The following TOP3B variants were observed in gnomAD, a reference collection of about 807,000 sequenced individuals.
The protein encoded by TOP3B is DNA topoisomerase III beta.
TOP3B carries 45 observed loss-of-function variants against 93.9 expected under a neutral mutation model. The ratio of observed to expected loss-of-function variants is 0.48; its 90% CI spans 0.38 to 0.61. The LOEUF is 0.61. Ranked by LOEUF, TOP3B falls within the 20% of genes least tolerant of loss-of-function variation. TOP3B has a pLI of 0.00. For missense variants in TOP3B, 750 were observed against 1,156.1 expected (o/e 0.65, Z 5.09); for synonymous variants, 357 against 472.6 (o/e 0.76, Z 3.17).
At chr22:21,964,099 A>G (rs1322948138) in intron 10 of TOP3B, 62 bp downstream of exon 10, 2 of 1,609,602 alleles carry the variant, frequency 1.2e-6, no homozygotes, top group African/African-American at 2.7e-5. Flanking sequence ...CTGACGTACC[A>G]GACCTGGTCC....
At position 21,968,723 on chromosome 22, in the gene TOP3B, T is replaced by C; in HGVS notation, c.634A>G (p.Ile212Val). The C allele has an allele frequency of 2.5e-6, 4 of 1,613,128 alleles. No homozygotes were observed. Among genetic ancestry groups the C allele is most frequent in the Non-Finnish European group, 3.4e-6 (4 of 1,179,106 alleles). ...GKYGDLDSSL[I>V]SFGPCQTPTL... The stretch of plus-strand genomic sequence containing the variant: ...GGAGTCTGACACGGCCCAAAGGAGA[T>C]GAGAGAGCTGTCTAAATCACCGTAT... Residue 212 changes from isoleucine (I) to valine (V), a missense_variant, in exon 7 of 18, where the codon ATC becomes GTC. Physicochemically the swap from Ile to Val is conservative, Grantham distance 29. This residue lies in a region of TOP3B where 737 missense variants were observed against 933.7 expected (regional missense o/e 0.79). Coordinates refer to ENST00000357179, the MANE Select transcript of TOP3B (RefSeq NM_001282112.2).
chr22:21,970,508 G>T lies in TOP3B; in HGVS notation c.385-102C>A. ...GTTCCTTCCAGGAAAGAACACGTGTGCTCGGCTCCCTCTCCTGCCCCTGCC... is the reference window on the plus strand; with the variant it reads ...GTTCCTTCCAGGAAAGAACACGTGTTCTCGGCTCCCTCTCCTGCCCCTGCC... On this transcript the variant is annotated intron_variant, in intron 5 of 17. Transcript: ENST00000357179. This position sits in a 1 kb window ranked among gnomAD's most constrained non-coding sequence, Gnocchi z 4.4. The T allele has an allele frequency of 7.8e-7, 1 of 1,282,160 alleles. No homozygotes were observed. Among genetic ancestry groups the T allele is most frequent in the Non-Finnish European group, 1.1e-6 (1 of 925,942 alleles). The allele number at this position is 1,282,160 out of a possible 1,614,324, so 79.4% of individuals were successfully genotyped here. A position where few individuals can be genotyped will look rare whatever the true frequency, so the allele number is the denominator to read the frequency against.
intron 1 of TOP3B, chr22:21,976,664 A>T (rs998054077): frequency 6.6e-6 from 1 of 151,328 alleles, no homozygotes; most frequent in Non-Finnish European, 1.5e-5. Context: ...CGACTACTTC[A>T]CCCCCAAAAT....
intron 4 of TOP3B, chr22:21,972,159 CAAA>C: frequency 2.2e-6 from 1 of 453,752 alleles, no homozygotes. Flanking sequence ...TTTTTTGGAC[CAAA>C]AAAAAAAGTA....
chr22:21,973,067 A>G (rs1303020284), intron 3 of TOP3B: 1 of 356,884 alleles, frequency 2.8e-6, no homozygotes, highest in Non-Finnish European at 5.3e-6. Flanking sequence ...TTGCCTGAGC[A>G]CTGGACCCCA....
intron 2 of TOP3B, chr22:21,974,844 C>T: frequency 5.8e-6 from 1 of 173,018 alleles, no homozygotes; most frequent in East Asian, 1.7e-4. Context: ...AAAACAGACT[C>T]CAGATCTACT....
rs200004421 is a variant in TOP3B at position 21,959,270 on chromosome 22, A to G, written c.1805-38T>C. ...AGAGTGCAGGAGTCATCTCCCTCCCAGTCCCCAGCAAAAGGCTCCGCAACA... is the reference window on the plus strand; with the variant it reads ...AGAGTGCAGGAGTCATCTCCCTCCCGGTCCCCAGCAAAAGGCTCCGCAACA... On this transcript the variant is annotated intron_variant, in intron 15 of 17. Coordinates refer to ENST00000357179, the MANE Select transcript of TOP3B (RefSeq NM_001282112.2). 7.9e-5 allele frequency: 127 copies of G among 1,606,660 alleles called. No individual in the cohort carries two copies. The Admixed American group carries it at 2.0e-3, about 26-fold the overall frequency.
chr22:21,961,675 C>T (rs1412403611), intron 13 of TOP3B: 3 of 153,692 alleles, frequency 2.0e-5, no homozygotes, highest in Non-Finnish European at 4.3e-5. Context: ...TGAGAGTCCA[C>T]CTATATGACC....
At chr22:21,959,030 T>G in intron 16 of TOP3B, 102 bp downstream of exon 16, 1 of 1,509,922 alleles carries the variant, frequency 6.6e-7, no homozygotes, top group Non-Finnish European at 8.9e-7. Flanking sequence ...ATCATTCTTT[T>G]GTGACAACCA....
intron 3 of TOP3B, chr22:21,973,152 ACACATGTGTG>A (rs2071713844): frequency 4.1e-6 from 1 of 245,186 alleles, no homozygotes; most frequent in East Asian, 1.4e-4. Flanking sequence ...CTGTGGGGGC[ACACATGTGTG>A]CAGTCGTTCC....
At position 21,972,664 on chromosome 22, in the gene TOP3B, G is replaced by A; in HGVS notation, c.257C>T (p.Pro86Leu). ...VDPAELFSQA[P>L]TEKKEANPKL... ...GGGGTTAGCTTCTTTCTTCTCCGTG[G>A]GAGCTTGGCTGAACAGTTCTGCGGG... The change falls in exon 4 of 18, where the codon CCC (proline) becomes CTC (leucine). Residue 86 changes from proline to leucine, a missense_variant. Physicochemically the swap from Pro to Leu is moderately conservative, Grantham distance 98 (BLOSUM62 -3). This residue lies in a region of TOP3B where 737 missense variants were observed against 933.7 expected (regional missense o/e 0.79). Transcript: ENST00000357179. 6.2e-7 allele frequency: 1 copy of A among 1,612,562 alleles called. No homozygotes were observed. Among genetic ancestry groups the A allele is most frequent in the Non-Finnish European group, 8.5e-7 (1 of 1,179,632 alleles).
rs572429586 is a variant in TOP3B, at chr22:21,963,654, C to G, written c.1204+269G>C. 1.0e-4 allele frequency: 49 copies of G among 480,592 alleles called. 1 individual carries two copies. The East Asian group carries it at 1.3e-3, about 13-fold the overall frequency. The allele number at this position is 480,592 out of a possible 1,614,324, so 29.8% of individuals were successfully genotyped here. On this transcript the variant is annotated intron_variant, in intron 11 of 17. Transcript: ENST00000357179. This position sits in a 1 kb window ranked among gnomAD's most constrained non-coding sequence, Gnocchi z 4.8. ...GTAGGAGGTGTGCTGCCCCCTCCCC[C>G]ACACCGCCACTCTCTACCCTGGTTT... is the stretch of plus-strand genomic sequence containing the variant.
chr22:21,974,972 G>A (rs1206816896), intron 2 of TOP3B: 3 of 154,302 alleles, frequency 1.9e-5, no homozygotes, highest in Non-Finnish European at 4.3e-5. Flanking sequence ...GTCCCCTGCG[G>A]ACCATGCCTT....
chr22:21,980,819 C>T (rs936783213), intron 1 of TOP3B, among the ~76,000 whole-genome samples: 4 of 152,212 alleles, frequency 2.6e-5, no homozygotes, highest in African/African-American at 4.8e-5. Context: ...CTGCATCTGG[C>T]GTCAGCAGTC....
At chr22:21,976,030 G>C (rs1032578111) in intron 1 of TOP3B, 4 of 201,226 alleles carry the variant, frequency 2.0e-5, no homozygotes, top group African/African-American at 9.3e-5. Context: ...GCTCCATTTG[G>C]GGGAAGGTGA....
chr22:21,979,865 C>G (rs1036349432), intron 1 of TOP3B, among the ~76,000 whole-genome samples: 1 of 144,562 alleles, frequency 6.9e-6, no homozygotes, highest in Non-Finnish European at 1.5e-5. Context: ...GGTGTGAACC[C>G]GGGAAGCGGA....
rs952750004 is a variant in TOP3B, at chr22:21,963,698, C to T, written c.1204+225G>A. On this transcript the variant is annotated intron_variant, in intron 11 of 17. Coordinates refer to ENST00000357179, the MANE Select transcript of TOP3B (RefSeq NM_001282112.2). This position sits in a 1 kb window ranked among gnomAD's most constrained non-coding sequence, Gnocchi z 4.8. Reference sequence around the variant, plus strand: ...CTGGTTTCATTCATGTCCCCTGTGGCGTCTGCCCCCTTGCCTCCCTGCAAC... The same window carrying T: ...CTGGTTTCATTCATGTCCCCTGTGGTGTCTGCCCCCTTGCCTCCCTGCAAC... The T allele has an allele frequency of 1.6e-5, 9 of 565,660 alleles. No homozygotes were observed. The highest frequency in any genetic ancestry group is 6.5e-5 in the Admixed American group (2 of 30,844). The allele number at this position is 565,660 out of a possible 1,614,324, so 35.0% of individuals were successfully genotyped here.
At position 21,960,348 on chromosome 22, in the gene TOP3B, C is replaced by T. The variant is rs200080403; in HGVS notation, c.1627G>A (p.Val543Ile). 6.5e-5 allele frequency: 105 copies of T among 1,613,508 alleles called. No individual in the cohort carries two copies. Among genetic ancestry groups the T allele is most frequent in the Middle Eastern group, 3.3e-4 (2 of 6,082 alleles). The change falls in exon 14 of 18, where the codon GTC (valine) becomes ATC (isoleucine). Residue 543 changes from valine to isoleucine, a missense_variant. By Grantham distance (29) the Val-to-Ile change is conservative. This residue lies in a region of TOP3B where 737 missense variants were observed against 933.7 expected (regional missense o/e 0.79). Transcript: ENST00000357179. Reference protein sequence around the residue: ...RRLKPTNLGIVLVHGYYKIDA... With the variant: ...RRLKPTNLGIILVHGYYKIDA... Reference sequence around the variant, plus strand: ...ATCTTATAGTAGCCGTGCACCAGGACGATGCCGAGGTTGGTGGGCTTGAGC... The same window carrying T: ...ATCTTATAGTAGCCGTGCACCAGGATGATGCCGAGGTTGGTGGGCTTGAGC...
In TOP3B at chr22:21,962,913, G is replaced by A; in HGVS notation, c.1205-20C>T. The A allele has an allele frequency of 3.1e-6, 5 of 1,607,426 alleles. No homozygotes were observed. Among genetic ancestry groups the A allele is most frequent in the Non-Finnish European group, 4.3e-6 (5 of 1,174,942 alleles). Reference sequence around the variant, plus strand: ...CACCCCCTGCAACAGGCCAGGGCTAGTCAGTTGGGAGCCAGCTGGGGGCTC... The same window carrying A: ...CACCCCCTGCAACAGGCCAGGGCTAATCAGTTGGGAGCCAGCTGGGGGCTC... On this transcript the variant is annotated intron_variant, in intron 11 of 17. Transcript: ENST00000357179.
Sources: gnomAD v4.1 joint callset for allele counts (sites outside exome capture counted in the v4.1 genomes callset) on GRCh38, gnomAD v4.1.1 for gene constraint, gnomAD v4.1.1 regional missense constraint, Gnocchi (gnomAD v3.1) non-coding constraint, MANE v1.5 for transcripts, NCBI Gene and HGNC (gene_info 2026-07-23, HGNC 2026-07-21) for gene names.